UXS1: variants seen among roughly 807,000 people sequenced by gnomAD.
The protein encoded by UXS1 is UDP-glucuronic acid decarboxylase 1.
In UXS1, 33 loss-of-function variants were observed where a neutral mutation model predicts 62.6. The ratio of observed to expected loss-of-function variants is 0.53; its 90% CI spans 0.40 to 0.70. The LOEUF is 0.70. Ranked by LOEUF, UXS1 falls within the 30% of genes least tolerant of loss-of-function variation. The pLI is 0.00. For synonymous variants in UXS1, 213 were observed against 206.8 expected (o/e 1.03, Z -0.26); for missense variants, 434 against 556.3 (o/e 0.78, Z 2.21).
intron 9 of UXS1, among the ~76,000 whole-genome samples, chr2:106,116,069 T>G (rs1463637361): frequency 6.6e-6 from 1 of 152,090 alleles, no homozygotes; most frequent in Non-Finnish European, 1.5e-5. Flanking sequence ...GGTGAGGGCT[T>G]GGGTATGCAG....
intron 4 of UXS1, among the ~76,000 whole-genome samples, chr2:106,162,215 C>T (rs1169461652): frequency 6.6e-6 from 1 of 152,126 alleles, no homozygotes; most frequent in African/African-American, 2.4e-5. Context: ...TTGCCCTTTG[C>T]CACTATTTTC....
At chr2:106,127,319 C>T (rs772007609) in intron 7 of UXS1, among the ~76,000 whole-genome samples, 6 of 152,210 alleles carry the variant, frequency 3.9e-5, no homozygotes, top group Non-Finnish European at 8.8e-5. Flanking sequence ...AAGCGTCAAA[C>T]TGTTTTCCAG....
At chr2:106,186,481 C>A (rs1360784182) in intron 1 of UXS1, among the ~76,000 whole-genome samples, 1 of 148,376 alleles carries the variant, frequency 6.7e-6, no homozygotes, top group Non-Finnish European at 1.5e-5. Flanking sequence ...CACACATATA[C>A]ATGAATATAC....
chr2:106,097,556 T>G, intron 13 of UXS1: 14 of 232,940 alleles, frequency 6.0e-5, no homozygotes, highest in East Asian at 1.8e-4. Context: ...TGCACGCCCC[T>G]CCCCCCAGCC....
intron 1 of UXS1, among the ~76,000 whole-genome samples, chr2:106,180,950 G>C: frequency 6.6e-6 from 1 of 152,152 alleles, no homozygotes; most frequent in East Asian, 1.9e-4. Context: ...TCCACCTAAG[G>C]ATATGTGACA....
intron 7 of UXS1, among the ~76,000 whole-genome samples, chr2:106,129,311 G>A (rs896157131): frequency 6.6e-6 from 1 of 152,178 alleles, no homozygotes; most frequent in South Asian, 2.1e-4. Flanking sequence ...TCCAGCATGA[G>A]GCATGCCACT....
intron 1 of UXS1, among the ~76,000 whole-genome samples, chr2:106,176,911 T>G (rs1471765347): frequency 6.6e-6 from 1 of 152,216 alleles, no homozygotes; most frequent in Non-Finnish European, 1.5e-5. Flanking sequence ...CAACCCCAGC[T>G]GGCAGGCTCT....
intron 1 of UXS1, among the ~76,000 whole-genome samples, chr2:106,190,955 T>G (rs953845630): frequency 3.9e-5 from 6 of 152,138 alleles, no homozygotes; most frequent in African/African-American, 1.4e-4. Context: ...GAAACTGAGT[T>G]CTTTCAATGA....
chr2:106,111,413 C>T (rs746291668), intron 10 of UXS1, among the ~76,000 whole-genome samples: 4 of 152,144 alleles, frequency 2.6e-5, no homozygotes, highest in South Asian at 2.1e-4. Flanking sequence ...ATGCACTCAG[C>T]GAAACTCAGC....
chr2:106,173,253 C>G (rs1378813696), intron 1 of UXS1, among the ~76,000 whole-genome samples: 1 of 152,188 alleles, frequency 6.6e-6, no homozygotes, highest in Non-Finnish European at 1.5e-5. Flanking sequence ...GGAATTGCTA[C>G]TCTAGGGCAG....
At chr2:106,145,577 A>G in intron 5 of UXS1, 1 of 467,600 alleles carries the variant, frequency 2.1e-6, no homozygotes, top group South Asian at 6.8e-5. Flanking sequence ...ACTCCTAAGC[A>G]GCCTAAAATT....
Position 106,194,233 on chromosome 2 carries a change from G to C in UXS1, c.9C>G (p.Ser3Arg). 1.4e-6 allele frequency: 2 copies of C among 1,444,634 alleles called. No individual in the cohort carries two copies. Among genetic ancestry groups the C allele is most frequent in the Non-Finnish European group, 1.8e-6 (2 of 1,093,682 alleles). 89.5% of individuals were successfully genotyped at this position (1,444,634 alleles called of 1,614,324 possible). A position where few individuals can be genotyped will look rare whatever the true frequency, so the allele number is the denominator to read the frequency against. Residue 3 changes from serine (S) to arginine (R), a missense_variant, in exon 1 of 15, where the codon AGC (serine) becomes AGG (arginine). This residue lies in a region of UXS1 where 91 missense variants were observed against 71.1 expected (regional missense o/e 1.28). Transcript: ENST00000283148. Reference protein sequence around the residue: MVSKALLRLVSAV... With the variant: MVRKALLRLVSAV... ...CAGACACGAGGCGCAGCAGCGCCTT[G>C]CTCACCATCCCCGGGAGCCGCGCGG...
At chr2:106,114,759 G>A (rs1287646389) in intron 9 of UXS1, among the ~76,000 whole-genome samples, 1 of 152,106 alleles carries the variant, frequency 6.6e-6, no homozygotes, top group African/African-American at 2.4e-5. Flanking sequence ...AGCAACAGAG[G>A]GCAGCCCTTC....
intron 5 of UXS1, among the ~76,000 whole-genome samples, chr2:106,145,816 C>A (rs918457359): frequency 6.6e-6 from 1 of 151,990 alleles, no homozygotes; most frequent in Non-Finnish European, 1.5e-5. Context: ...GAAAAAAAAA[C>A]TTAATATTTA....
intron 14 of UXS1, among the ~76,000 whole-genome samples, chr2:106,095,239 C>T (rs907682069): frequency 3.3e-5 from 5 of 152,288 alleles, no homozygotes; most frequent in Admixed American, 2.6e-4. Flanking sequence ...TATAGGCTCT[C>T]CTTACAAAGG....
chr2:106,097,272 G>A (rs1390180705), intron 13 of UXS1: 1 of 449,930 alleles, frequency 2.2e-6, no homozygotes, highest in Non-Finnish European at 4.5e-6. Context: ...AGACAGCCCT[G>A]AGACCCAAGA....
intron 1 of UXS1, among the ~76,000 whole-genome samples, chr2:106,174,326 G>A (rs142935313): frequency 6.6e-6 from 1 of 152,356 alleles, no homozygotes; most frequent in African/African-American, 2.4e-5. Flanking sequence ...AGGTGCTGTA[G>A]TCTGAGCAAA....
At chr2:106,192,435 T>G (rs1414524877) in intron 1 of UXS1, among the ~76,000 whole-genome samples, 1 of 152,042 alleles carries the variant, frequency 6.6e-6, no homozygotes, top group Non-Finnish European at 1.5e-5. Flanking sequence ...GTGCCTGTAG[T>G]CCCAGTTACT....
intron 1 of UXS1, among the ~76,000 whole-genome samples, chr2:106,183,098 T>C (rs1684344377): frequency 1.3e-5 from 2 of 152,146 alleles, no homozygotes; most frequent in Admixed American, 6.5e-5. Flanking sequence ...TCACAGCTAA[T>C]GGCCATTTCC....
Sources: gnomAD v4.1 joint callset for allele counts (sites outside exome capture counted in the v4.1 genomes callset) on GRCh38, gnomAD v4.1.1 for gene constraint, gnomAD v4.1.1 regional missense constraint, MANE v1.5 for transcripts, NCBI Gene and HGNC (gene_info 2026-07-23, HGNC 2026-07-21) for gene names.